The following SDK1 variants were observed in gnomAD, a reference collection of about 807,000 sequenced individuals.
SDK1 encodes the protein protein sidekick-1.
Under a neutral mutation model 245.5 loss-of-function variants are expected in SDK1, and 157 were observed. The ratio of observed to expected loss-of-function variants is 0.64; its 90% CI spans 0.56 to 0.73. The LOEUF (loss-of-function observed/expected upper bound fraction) is 0.73, where lower values mean the gene tolerates loss of function less well. Ranked by LOEUF, SDK1 falls within the 30% of genes least tolerant of loss-of-function variation. The pLI is 0.00. For missense variants in SDK1, 3,583 were observed against 3,002.3 expected (o/e 1.19, Z -4.52); for synonymous variants, 1,647 against 1,278.5 (o/e 1.29, Z -6.15).
At chr7:3,592,283 T>C (rs1780902417) in intron 1 of SDK1, among the ~76,000 whole-genome samples, 1 of 152,190 alleles carries the variant, frequency 6.6e-6, no homozygotes, top group Non-Finnish European at 1.5e-5. Context: ...TTATGTGCCA[T>C]TTAAAAATAT....
At chr7:3,916,210 A>C (rs896037269) in intron 5 of SDK1, among the ~76,000 whole-genome samples, 3 of 152,242 alleles carry the variant, frequency 2.0e-5, no homozygotes, top group Non-Finnish European at 2.9e-5. Context: ...TGAAGCCCTG[A>C]CCAGCCCTCA....
intron 15 of SDK1, among the ~76,000 whole-genome samples, chr7:4,011,356 C>A (rs1785947763): frequency 6.6e-6 from 1 of 152,224 alleles, no homozygotes; most frequent in Admixed American, 6.5e-5. Context: ...GGCGATCTGG[C>A]TGTGCCTACA....
At chr7:3,820,392 T>C (rs953257139) in intron 4 of SDK1, among the ~76,000 whole-genome samples, 1 of 152,124 alleles carries the variant, frequency 6.6e-6, no homozygotes, top group Non-Finnish European at 1.5e-5. Flanking sequence ...TCACAATCTG[T>C]CCACCTCGCC....
intron 4 of SDK1, among the ~76,000 whole-genome samples, chr7:3,759,472 C>T (rs1334501816): frequency 3.3e-5 from 5 of 152,104 alleles, no homozygotes; most frequent in South Asian, 2.1e-4. Flanking sequence ...TGAAAGCCAG[C>T]GACTGTGGAC....
Position 4,208,250 on chromosome 7 carries a change from A to C in SDK1, c.5366A>C (p.Lys1789Thr), listed in dbSNP as rs1281156459. The C allele has an allele frequency of 6.2e-7, 1 of 1,613,766 alleles. No homozygotes were observed. Among genetic ancestry groups the C allele is most frequent in the African/African-American group, 1.3e-5 (1 of 74,926 alleles). Reference protein sequence around the residue: ...SAFNAAGDGPKSDPQQGRTHQ... With the variant: ...SAFNAAGDGPTSDPQQGRTHQ... ...TTCAACGCCGCCGGAGATGGACCTA[A>C]GAGTGACCCCCAGCAGGGGCGCACC... The change falls in exon 37 of 45, where the codon AAG becomes ACG. Residue 1789 changes from lysine (K) to threonine (T), a missense_variant. Lys to Thr is a moderately conservative substitution (Grantham distance 78). Coordinates refer to ENST00000404826, the MANE Select transcript of SDK1 (RefSeq NM_152744.4).
intron 34 of SDK1, among the ~76,000 whole-genome samples, chr7:4,177,990 A>G (rs539903412): frequency 2.0e-5 from 3 of 148,994 alleles, no homozygotes; most frequent in Non-Finnish European, 4.5e-5. Flanking sequence ...CGCAACCTAG[A>G]TCCCTCGCAC....
chr7:3,646,083 T>C (rs766833729), intron 4 of SDK1, among the ~76,000 whole-genome samples: 1 of 152,136 alleles, frequency 6.6e-6, no homozygotes, highest in Non-Finnish European at 1.5e-5. Context: ...GGTCTCGAAC[T>C]CCTGACCTTG....
chr7:4,233,041 C>T (rs1785896054), intron 40 of SDK1: 1 of 517,612 alleles, frequency 1.9e-6, no homozygotes, highest in Non-Finnish European at 3.5e-6. Flanking sequence ...GCATTGAGCA[C>T]GTTGTTCTAC....
intron 13 of SDK1, among the ~76,000 whole-genome samples, chr7:3,983,619 A>G (rs1334847127): frequency 2.0e-5 from 3 of 152,242 alleles, no homozygotes; most frequent in South Asian, 4.1e-4. Context: ...AAATTGCAAT[A>G]TTCACTTCAT....
intron 1 of SDK1, among the ~76,000 whole-genome samples, chr7:3,434,214 A>T (rs1231449374): frequency 6.6e-6 from 1 of 152,182 alleles, no homozygotes; most frequent in Non-Finnish European, 1.5e-5. Context: ...CAGGCCAAAG[A>T]GTCAGCGTGA....
rs1245674485 is a variant in SDK1 at position 3,851,956 on chromosome 7, A to T, written c.847+30373A>T. 2.0e-5 allele frequency among the ~76,000 whole-genome samples: 3 copies of T among 152,370 alleles called. No homozygotes were observed. The South Asian group carries it at 6.2e-4, about 32-fold the overall frequency. Reference sequence around the variant, plus strand: ...TTAATAGGAAAAATGTGTTTGAAGTATGTTTTACACTATTTAATGCCGCTG... The same window carrying T: ...TTAATAGGAAAAATGTGTTTGAAGTTTGTTTTACACTATTTAATGCCGCTG... On this transcript the variant is annotated intron_variant, in intron 5 of 44. Transcript: ENST00000404826.
chr7:3,412,301 T>C (rs1056992492), intron 1 of SDK1, among the ~76,000 whole-genome samples: 4 of 152,162 alleles, frequency 2.6e-5, no homozygotes, highest in African/African-American at 9.7e-5. Context: ...AATACAAACA[T>C]GTATACTATT....
intron 1 of SDK1, among the ~76,000 whole-genome samples, chr7:3,352,843 A>G (rs2128558549): frequency 6.6e-6 from 1 of 152,214 alleles, no homozygotes; most frequent in Non-Finnish European, 1.5e-5. Context: ...CTGGGGAGGA[A>G]ATGAGTTCTG....
At chr7:4,149,917 A>C (rs1294173095) in intron 30 of SDK1, among the ~76,000 whole-genome samples, 2 of 152,138 alleles carry the variant, frequency 1.3e-5, no homozygotes, top group Admixed American at 6.5e-5. Context: ...CACCACGAGT[A>C]CTGTGCTTCC....
intron 14 of SDK1, among the ~76,000 whole-genome samples, chr7:4,004,495 C>A (rs1352062488): frequency 2.6e-5 from 4 of 152,088 alleles, no homozygotes; most frequent in African/African-American, 9.7e-5. Flanking sequence ...CATTTTTCAC[C>A]CACCAATAGA....
At position 3,566,763 on chromosome 7, in the gene SDK1, A is replaced by G. The variant is rs535075954; in HGVS notation, c.299-52317A>G. On this transcript the variant is annotated intron_variant, in intron 1 of 44. Coordinates refer to ENST00000404826, the MANE Select transcript of SDK1 (RefSeq NM_152744.4). ...GTGATTGCAATCCAAGGAGAAAAAT[A>G]AGAGATATGACCACACACTTCACAA... is the stretch of plus-strand genomic sequence containing the variant. 5.3e-5 allele frequency among the ~76,000 whole-genome samples: 8 copies of G among 152,268 alleles called. No individual in the cohort carries two copies. The South Asian group carries it at 1.5e-3, about 28-fold the overall frequency.
intron 5 of SDK1, among the ~76,000 whole-genome samples, chr7:3,854,191 C>T (rs560189302): frequency 5.0e-4 from 76 of 151,988 alleles, no homozygotes; most frequent in African/African-American, 1.7e-3. Context: ...AGGTTATGTA[C>T]GGTGTGGTAG....
chr7:3,828,953 C>T (rs1035202396), intron 5 of SDK1, among the ~76,000 whole-genome samples: 4 of 152,066 alleles, frequency 2.6e-5, no homozygotes, highest in African/African-American at 4.8e-5. Context: ...TACTGAACCC[C>T]ACCAAGATTG....
intron 35 of SDK1, among the ~76,000 whole-genome samples, chr7:4,203,463 C>T (rs1784008426): frequency 6.6e-6 from 1 of 152,104 alleles, no homozygotes. Flanking sequence ...CAGGCAATCT[C>T]CCTAGCAGCA....
Sources: gnomAD v4.1 joint callset for allele counts (sites outside exome capture counted in the v4.1 genomes callset) on GRCh38, gnomAD v4.1.1 for gene constraint, MANE v1.5 for transcripts, NCBI Gene and HGNC (gene_info 2026-07-23, HGNC 2026-07-21) for gene names.